Variants in GLI2 observed in about 807,000 individuals in gnomAD.
GLI2 encodes GLI family zinc finger 2, also known as transcription activator GLI2.
In GLI2, 22 loss-of-function variants were observed where a neutral mutation model predicts 78.9. The ratio of observed to expected loss-of-function variants is 0.28; its 90% CI spans 0.20 to 0.40. The LOEUF (loss-of-function observed/expected upper bound fraction) is 0.40, where lower values mean the gene tolerates loss of function less well. Ranked by LOEUF, GLI2 falls within the 10% of genes least tolerant of loss-of-function variation. GLI2 has a pLI of 1.00. For missense variants in GLI2, 2,097 were observed against 2,213.2 expected, an observed-to-expected ratio of 0.95 and a Z score of 1.05; for synonymous variants, 974 against 963.7, an observed-to-expected ratio of 1.01 and a Z score of -0.20.
Position 120,990,715 on chromosome 2 carries a change from A to G in GLI2, c.*40A>G, listed in dbSNP as rs1013093493. ...GGTGCTGAGTGCACCCGGAGGGGTC[A>G]TCGCTGCCCAGAGCCTGGGGATTCC... On this transcript the variant is annotated 3_prime_UTR_variant, in exon 14 of 14. Transcript: ENST00000361492. 4.6e-6 allele frequency: 7 copies of G among 1,532,698 alleles called. No individual in the cohort carries two copies. Among genetic ancestry groups the G allele is most frequent in the Non-Finnish European group, 6.3e-6 (7 of 1,118,938 alleles). The allele number at this position is 1,532,698 out of a possible 1,614,324, so 94.9% of individuals were successfully genotyped here.
At chr2:120,778,736 C>T (rs1354296586) in intron 1 of GLI2, among the ~76,000 whole-genome samples, 1 of 152,228 alleles carries the variant, frequency 6.6e-6, no homozygotes, top group African/African-American at 2.4e-5. Flanking sequence ...GATGGAGAAC[C>T]TGGCACACCC....
intron 3 of GLI2, 80 bp from the exon 4 acceptor site, chr2:120,951,163 A>G: frequency 1.2e-6 from 1 of 816,546 alleles, no homozygotes; most frequent in African/African-American, 1.7e-5. Flanking sequence ...AGAGACAAGG[A>G]CTGTCCATGT....
chr2:120,862,512 C>T (rs987854407), intron 2 of GLI2, among the ~76,000 whole-genome samples: 25 of 152,224 alleles, frequency 1.6e-4, no homozygotes, highest in African/African-American at 5.8e-4. Context: ...CTGAGCTGTG[C>T]GTGACCCCGT....
intron 5 of GLI2, among the ~76,000 whole-genome samples, chr2:120,956,184 G>C (rs747973292): frequency 2.6e-5 from 4 of 152,172 alleles, no homozygotes; most frequent in Admixed American, 6.5e-5. Flanking sequence ...GGAAGACCTT[G>C]AAGGTAGAAC....
rs1683184393 is a variant in GLI2, at chr2:120,989,581, C to A, written c.3616C>A (p.Gln1206Lys). 6 of 1,613,318 alleles carry A rather than the reference C, an allele frequency of 3.7e-6. 1 individual carries two copies. Among genetic ancestry groups the A allele is most frequent in the Non-Finnish European group, 3.4e-6 (4 of 1,179,962 alleles). Reference sequence around the variant, plus strand: ...GGGCATCCCCAGGGTAAACTACATGCAGCAGCTGCGACAGCCAGTGGCAGG... The same window carrying A: ...GGGCATCCCCAGGGTAAACTACATGAAGCAGCTGCGACAGCCAGTGGCAGG... ...SQGIPRVNYM[Q>K]QLRQPVAGSQ... Residue 1206 changes from glutamine to lysine, a missense_variant, in exon 14 of 14, where the codon CAG (glutamine) becomes AAG (lysine). Physicochemically the swap from Gln to Lys is moderately conservative, Grantham distance 53. Transcript: ENST00000361492.
intron 2 of GLI2, among the ~76,000 whole-genome samples, chr2:120,897,443 T>C (rs1386412877): frequency 6.6e-6 from 1 of 152,196 alleles, no homozygotes; most frequent in Non-Finnish European, 1.5e-5. Context: ...CCACTTACAA[T>C]GGCTCGACTT....
At chr2:120,794,092 G>C (rs558136519) in intron 1 of GLI2, among the ~76,000 whole-genome samples, 1 of 152,240 alleles carries the variant, frequency 6.6e-6, no homozygotes, top group African/African-American at 2.4e-5. Context: ...CTGTGCTGAA[G>C]AGCTCCTGGC....
intron 2 of GLI2, among the ~76,000 whole-genome samples, chr2:120,837,393 C>CAAAAAA (rs768947767): frequency 7.8e-5 from 6 of 76,980 alleles, no homozygotes; most frequent in African/African-American, 2.8e-4. Flanking sequence ...GACTCCATCT[C>CAAAAAA]AAAAAAAAAA....
intron 1 of GLI2, chr2:120,792,268 C>T (rs568356363): frequency 6.6e-6 from 1 of 152,332 alleles, no homozygotes; most frequent in South Asian, 2.1e-4. Flanking sequence ...CGCCGTGGGC[C>T]CCTTGGCAAG....
chr2:120,939,078 T>A (rs1023776597), intron 3 of GLI2, among the ~76,000 whole-genome samples: 8 of 152,194 alleles, frequency 5.3e-5, no homozygotes, highest in Non-Finnish European at 1.2e-4. Flanking sequence ...GGTCGGAAGT[T>A]CGAGACCAGC....
chr2:120,771,002 C>G (rs575442430), intron 1 of GLI2, among the ~76,000 whole-genome samples: 2 of 152,356 alleles, frequency 1.3e-5, no homozygotes, highest in East Asian at 3.9e-4. Flanking sequence ...CCCAGACTCA[C>G]CAGGAATCTG....
intron 3 of GLI2, among the ~76,000 whole-genome samples, chr2:120,933,634 G>A (rs530510888): frequency 3.3e-4 from 51 of 152,294 alleles, no homozygotes; most frequent in African/African-American, 1.2e-3. Context: ...GGGTGTCATG[G>A]GGAGCAAGGC....
At chr2:120,835,825 C>T (rs1686585674) in intron 2 of GLI2, among the ~76,000 whole-genome samples, 1 of 151,614 alleles carries the variant, frequency 6.6e-6, no homozygotes. Context: ...TGTGTGTATA[C>T]ATATATATTT....
At chr2:120,822,767 CA>C (rs1685842875) in intron 2 of GLI2, among the ~76,000 whole-genome samples, 1 of 152,104 alleles carries the variant, frequency 6.6e-6, no homozygotes, top group South Asian at 2.1e-4. Context: ...AATACAACAA[CA>C]AAACACACAA....
chr2:120,915,181 C>T lies in GLI2; in HGVS notation c.149-12180C>T, dbSNP rs1040790157. ...CCCCAGCCCAGCACACTCTCTCTTTCGGCAGCTAATTTGTCAAGTAACACC... is the reference window on the plus strand; with the variant it reads ...CCCCAGCCCAGCACACTCTCTCTTTTGGCAGCTAATTTGTCAAGTAACACC... On this transcript the variant is annotated intron_variant, in intron 2 of 13. Coordinates refer to ENST00000361492, the MANE Select transcript of GLI2 (RefSeq NM_001374353.1). 2.7e-4 allele frequency among the ~76,000 whole-genome samples: 41 copies of T among 152,176 alleles called. 2 individuals carry two copies. The highest frequency in any genetic ancestry group is 1.5e-5 in the Non-Finnish European group (1 of 68,032).
intron 1 of GLI2, among the ~76,000 whole-genome samples, chr2:120,752,204 C>T (rs1231632165): frequency 2.0e-5 from 3 of 151,812 alleles, no homozygotes; most frequent in Non-Finnish European, 1.5e-5. Flanking sequence ...ATTCTATCCA[C>T]GTGTGTACAT....
chr2:120,841,848 GGTGTGT>G lies in GLI2; in HGVS notation c.148+44416_148+44421del, dbSNP rs555474895. On this transcript the variant is annotated intron_variant, in intron 2 of 13. Coordinates refer to ENST00000361492, the MANE Select transcript of GLI2 (RefSeq NM_001374353.1). ...AGGACCATTGCAAGCCAGTCTGGAGGGTGTGTGTGTGTGTGTGTGTGTGTGTGTGTG... is the reference window on the plus strand; with the variant it reads ...AGGACCATTGCAAGCCAGTCTGGAGGGTGTGTGTGTGTGTGTGTGTGTGTG... Among the ~76,000 whole-genome samples, 779 of 132,682 alleles carry G rather than the reference GGTGTGT, an allele frequency of 5.9e-3. 11 individuals are homozygous for G. Among genetic ancestry groups the G allele is most frequent in the Admixed American group, 0.027 (364 of 13,450 alleles). 87.0% of individuals were successfully genotyped at this position (132,682 alleles called of 152,430 possible). A position where few individuals can be genotyped will look rare whatever the true frequency, so the allele number is the denominator to read the frequency against.
At chr2:120,985,405 T>TG (rs1334524411) in intron 12 of GLI2, among the ~76,000 whole-genome samples, 1 of 151,984 alleles carries the variant, frequency 6.6e-6, no homozygotes, top group Non-Finnish European at 1.5e-5. Flanking sequence ...CTGGCAGGTG[T>TG]GGGGAGCAGG....
At chr2:120,954,150 C>T (rs895909290) in intron 4 of GLI2, among the ~76,000 whole-genome samples, 6 of 152,184 alleles carry the variant, frequency 3.9e-5, no homozygotes, top group African/African-American at 9.7e-5. Flanking sequence ...GGTCTGAATT[C>T]GAGTCCTGTG....
Sources: allele counts gnomAD v4.1 joint callset (sites outside exome capture counted in the v4.1 genomes callset), GRCh38; gene constraint gnomAD v4.1.1; transcripts MANE v1.5; gene names NCBI Gene and HGNC (gene_info 2026-07-23, HGNC 2026-07-21).